Variants in PEX7 observed in about 807,000 individuals in gnomAD.
PEX7 encodes PTS2 receptor.
In PEX7, 34 loss-of-function variants were observed where a neutral mutation model predicts 47.5. That is an observed-to-expected ratio of 0.72 (90% CI 0.54 to 0.95). PEX7 has a LOEUF of 0.95. Among genes scored for constraint, PEX7 ranks in the 40% least tolerant of loss-of-function variants. The pLI, the probability that PEX7 is intolerant of heterozygous loss-of-function variation, is 0.00. For missense variants in PEX7, 394 were observed against 400.3 expected (o/e 0.98, Z 0.13); for synonymous variants, 141 against 148.8 (o/e 0.95, Z 0.38).
intron 9 of PEX7, among the ~76,000 whole-genome samples, chr6:136,913,171 T>G (rs1775959562): frequency 6.6e-6 from 1 of 152,176 alleles, no homozygotes; most frequent in Non-Finnish European, 1.5e-5. Context: ...TATGTAGCTG[T>G]TGGGTGAAGT....
intron 3 of PEX7, among the ~76,000 whole-genome samples, chr6:136,844,817 C>A (rs190836869): frequency 6.6e-6 from 1 of 152,144 alleles, no homozygotes. Flanking sequence ...GAGAAAGTAA[C>A]CCACATGTAA....
chr6:136,877,820 T>G (rs1775302786), intron 8 of PEX7, among the ~76,000 whole-genome samples: 1 of 152,170 alleles, frequency 6.6e-6, no homozygotes, highest in Non-Finnish European at 1.5e-5. Flanking sequence ...TTTAAAGTAG[T>G]TTTTTTCTAA....
At chr6:136,903,260 G>T (rs1775784375) in intron 9 of PEX7, among the ~76,000 whole-genome samples, 1 of 151,688 alleles carries the variant, frequency 6.6e-6, no homozygotes, top group Non-Finnish European at 1.5e-5. Flanking sequence ...CTCCTTCCCA[G>T]TGGTAGCCAC....
chr6:136,897,143 T>G (rs1185800728), intron 8 of PEX7, among the ~76,000 whole-genome samples: 1 of 152,226 alleles, frequency 6.6e-6, no homozygotes, highest in Non-Finnish European at 1.5e-5. Flanking sequence ...TTTCAAAACT[T>G]AATAGGGCCA....
At chr6:136,894,898 AAT>A (rs1775622753) in intron 8 of PEX7, among the ~76,000 whole-genome samples, 1 of 152,248 alleles carries the variant, frequency 6.6e-6, no homozygotes, top group African/African-American at 2.4e-5. Context: ...ACTTAAGAAT[AAT>A]GTGCCTTATT....
chr6:136,842,255 A>G (rs962073366), intron 3 of PEX7, among the ~76,000 whole-genome samples: 1 of 152,174 alleles, frequency 6.6e-6, no homozygotes, highest in African/African-American at 2.4e-5. Context: ...TTGGCCTCCC[A>G]AAGTGCTGGG....
chr6:136,900,576 G>T lies in PEX7; in HGVS notation c.903+2335G>T. ...CCGAGTTAATCTGTGTGAAGGTGAT[G>T]GTGGTGTGGGTCATCCTGTGAACCA... is the stretch of plus-strand genomic sequence containing the variant. On this transcript the variant is annotated intron_variant, in intron 9 of 9. Coordinates refer to ENST00000318471, the MANE Select transcript of PEX7 (RefSeq NM_000288.4). The surrounding 1 kb of genome is among the most constrained non-coding windows in gnomAD (Gnocchi z 4.2). 5.1e-6 allele frequency: 2 copies of T among 395,098 alleles called. No homozygotes were observed. The highest frequency in any genetic ancestry group is 1.9e-5 in the South Asian group (1 of 51,366). The allele number at this position is 395,098 out of a possible 1,614,324, so 24.5% of individuals were successfully genotyped here.
chr6:136,873,710 C>T (rs904239581), intron 8 of PEX7, among the ~76,000 whole-genome samples: 4 of 152,194 alleles, frequency 2.6e-5, no homozygotes, highest in East Asian at 1.9e-4. Flanking sequence ...TGAGTACAAA[C>T]GCCTTTAGTG....
chr6:136,907,931 T>C (rs1054672210), intron 9 of PEX7, among the ~76,000 whole-genome samples: 1 of 152,190 alleles, frequency 6.6e-6, no homozygotes, highest in African/African-American at 2.4e-5. Flanking sequence ...ATACATATGA[T>C]TTGATCCACT....
chr6:136,872,047 A>T, intron 7 of PEX7, 151 bp from the exon 8 acceptor site: 1 of 607,318 alleles, frequency 1.6e-6, no homozygotes, highest in South Asian at 2.4e-5. Context: ...GCCTCAAATT[A>T]TAGCATATAT....
At chr6:136,874,530 C>G (rs9494590) in intron 8 of PEX7, among the ~76,000 whole-genome samples, 79,522 of 151,544 alleles carry the variant, frequency 0.52, 21,003 homozygotes, top group African/African-American at 0.58. Context: ...AAATTAGCCA[C>G]GCATGATGGC....
chr6:136,903,838 T>C (rs1056624097), intron 9 of PEX7, among the ~76,000 whole-genome samples: 1 of 151,260 alleles, frequency 6.6e-6, no homozygotes, highest in Non-Finnish European at 1.5e-5. Context: ...ACTTTTTTTT[T>C]TTTTTTAATT....
Position 136,898,270 on chromosome 6 carries a change from T to C in PEX7, c.903+29T>C, listed in dbSNP as rs746400280. The C allele has an allele frequency of 1.3e-5, 18 of 1,341,092 alleles. No individual in the cohort carries two copies. In the South Asian group the frequency reaches 2.1e-4, roughly 16 times the overall value. The allele number at this position is 1,341,092 out of a possible 1,614,324, so 83.1% of individuals were successfully genotyped here. ...ACGGATACAATCTCATGATATTCTC[T>C]TCTGCCCAAGTTCACAGCCAACTCT... On this transcript the variant is annotated intron_variant, in intron 9 of 9. Coordinates refer to ENST00000318471, the MANE Select transcript of PEX7 (RefSeq NM_000288.4).
At chr6:136,849,170 T>A (rs1324786368) in intron 5 of PEX7, among the ~76,000 whole-genome samples, 1 of 152,196 alleles carries the variant, frequency 6.6e-6, no homozygotes, top group Non-Finnish European at 1.5e-5. Context: ...TGATGGTAGT[T>A]TTTATTTCTG....
At chr6:136,857,447 A>C (rs757707903) in intron 5 of PEX7, among the ~76,000 whole-genome samples, 3 of 152,212 alleles carry the variant, frequency 2.0e-5, no homozygotes, top group Non-Finnish European at 4.4e-5. Context: ...CATTTATTGG[A>C]GATTCAGTGA....
intron 1 of PEX7, chr6:136,823,151 T>C: frequency 3.0e-6 from 3 of 985,276 alleles, no homozygotes; most frequent in Non-Finnish European, 3.6e-6. Context: ...ATCGGTCCGC[T>C]CGGCACAGCA....
At chr6:136,894,897 T>A (rs1775622698) in intron 8 of PEX7, among the ~76,000 whole-genome samples, 1 of 152,238 alleles carries the variant, frequency 6.6e-6, no homozygotes, top group Non-Finnish European at 1.5e-5. Flanking sequence ...CACTTAAGAA[T>A]AATGTGCCTT....
At chr6:136,844,928 G>A (rs1296407121) in intron 3 of PEX7, among the ~76,000 whole-genome samples, 1 of 152,144 alleles carries the variant, frequency 6.6e-6, no homozygotes, top group Non-Finnish European at 1.5e-5. Context: ...ATATACCAAT[G>A]GCATATACTC....
intron 8 of PEX7, among the ~76,000 whole-genome samples, chr6:136,891,916 G>A (rs574703933): frequency 4.3e-4 from 65 of 152,170 alleles, no homozygotes; most frequent in African/African-American, 1.5e-3. Context: ...AAGTGCTACC[G>A]GGCCCGACCA....
Sources: gnomAD v4.1 joint callset for allele counts (sites outside exome capture counted in the v4.1 genomes callset) on GRCh38, gnomAD v4.1.1 for gene constraint, Gnocchi (gnomAD v3.1) non-coding constraint, MANE v1.5 for transcripts, NCBI Gene and HGNC (gene_info 2026-07-23, HGNC 2026-07-21) for gene names.